Variants in MCTP1 observed in about 807,000 individuals in gnomAD.
MCTP1 encodes the protein multiple C2 and transmembrane domain containing 1, also known as multiple C2 and transmembrane domain-containing protein 1.
Under a neutral mutation model 120.6 loss-of-function variants are expected in MCTP1, and 69 were observed. The observed-to-expected ratio is 0.57, with a 90% CI of 0.47 to 0.70. The LOEUF (loss-of-function observed/expected upper bound fraction) is 0.70, where lower values mean the gene tolerates loss of function less well. Ranked by LOEUF, MCTP1 falls within the 30% of genes least tolerant of loss-of-function variation. The pLI is 0.00. For missense variants in MCTP1, 1,203 were observed against 1,248.8 expected (o/e 0.96, Z 0.55); for synonymous variants, 529 against 493.1 (o/e 1.07, Z -0.96).
chr5:95,168,238 C>T (rs1399699613), intron 1 of MCTP1, among the ~76,000 whole-genome samples: 1 of 152,144 alleles, frequency 6.6e-6, no homozygotes, highest in Admixed American at 6.5e-5. Context: ...GGGCTCTGTT[C>T]TGTTCCATTG....
At chr5:94,849,781 C>A (rs1400105332) in intron 17 of MCTP1, among the ~76,000 whole-genome samples, 3 of 152,056 alleles carry the variant, frequency 2.0e-5, no homozygotes, top group African/African-American at 7.2e-5. Context: ...GTATGGAACA[C>A]AGGCTCTGCA....
chr5:94,947,577 T>TATATATATAGAGAGAGAGAGAG, intron 3 of MCTP1, among the ~76,000 whole-genome samples: 5 of 47,392 alleles, frequency 1.1e-4, no homozygotes, highest in African/African-American at 9.3e-5. Context: ...TATATATATA[T>TATATATATAGAGAGAGAGAGAG]AGAGAGAGAG....
chr5:94,761,919 CT>C (rs1771443877), intron 19 of MCTP1, among the ~76,000 whole-genome samples: 1 of 152,272 alleles, frequency 6.6e-6, no homozygotes, highest in East Asian at 1.9e-4. Flanking sequence ...AGGATTTTCC[CT>C]TTTCAAACCA....
chr5:94,961,300 A>G (rs1410705724), intron 2 of MCTP1, among the ~76,000 whole-genome samples: 1 of 152,126 alleles, frequency 6.6e-6, no homozygotes, highest in Non-Finnish European at 1.5e-5. Flanking sequence ...GAGGGATAGC[A>G]TTAGGAGAAA....
chr5:95,284,607 C>T lies in MCTP1; in HGVS notation c.-32G>A, dbSNP rs1439202358. On this transcript the variant is annotated 5_prime_UTR_variant, in exon 1 of 23. Coordinates refer to ENST00000515393, the MANE Select transcript of MCTP1 (RefSeq NM_024717.7). The surrounding 1 kb of genome is among the most constrained non-coding windows in gnomAD (Gnocchi z 5.2). Reference sequence around the variant, plus strand: ...CCCCCTGCTCCTCCTCTCCCCTCCTCCTCCTCCTCCTCCTCCTGCTTCTCC... The same window carrying T: ...CCCCCTGCTCCTCCTCTCCCCTCCTTCTCCTCCTCCTCCTCCTGCTTCTCC... 6 of 1,349,288 alleles carry T rather than the reference C, an allele frequency of 4.4e-6. No homozygotes were observed. The highest frequency in any genetic ancestry group is 5.7e-6 in the Non-Finnish European group (6 of 1,043,512). The allele number at this position is 1,349,288 out of a possible 1,614,324, so 83.6% of individuals were successfully genotyped here. A position where few individuals can be genotyped will look rare whatever the true frequency, so the allele number is the denominator to read the frequency against.
At chr5:94,995,433 C>T (rs1581747384) in intron 2 of MCTP1, among the ~76,000 whole-genome samples, 1 of 151,988 alleles carries the variant, frequency 6.6e-6, no homozygotes, top group Non-Finnish European at 1.5e-5. Context: ...ATAAGAACAT[C>T]GTGTTAAATG....
At chr5:95,003,140 T>C (rs1477968813) in intron 2 of MCTP1, among the ~76,000 whole-genome samples, 5 of 152,240 alleles carry the variant, frequency 3.3e-5, no homozygotes, top group African/African-American at 1.2e-4. Flanking sequence ...TCCCCAGCCA[T>C]GCAGAACTGT....
chr5:95,225,887 GGAGA>G (rs912236426), intron 1 of MCTP1, among the ~76,000 whole-genome samples: 7 of 152,006 alleles, frequency 4.6e-5, no homozygotes, highest in African/African-American at 1.7e-4. Flanking sequence ...TAAAATGAGG[GGAGA>G]GAGATTCCAG....
intron 1 of MCTP1, among the ~76,000 whole-genome samples, chr5:95,061,724 C>T (rs980893198): frequency 2.0e-5 from 3 of 151,950 alleles, no homozygotes; most frequent in Admixed American, 6.6e-5. Context: ...CGTGAGCCAC[C>T]GCGCCCGGCC....
At chr5:95,028,430 T>A (rs1013647988) in intron 1 of MCTP1, among the ~76,000 whole-genome samples, 1 of 152,086 alleles carries the variant, frequency 6.6e-6, no homozygotes, top group Non-Finnish European at 1.5e-5. Context: ...AATGGGCCAA[T>A]AAATACTCAG....
At chr5:94,852,578 A>G (rs2153225320) in intron 17 of MCTP1, among the ~76,000 whole-genome samples, 1 of 152,124 alleles carries the variant, frequency 6.6e-6, no homozygotes, top group East Asian at 1.9e-4. Context: ...AAAATTATTG[A>G]CTGTGAAAAA....
At chr5:95,119,138 CA>C (rs1195244351) in intron 1 of MCTP1, among the ~76,000 whole-genome samples, 1 of 152,118 alleles carries the variant, frequency 6.6e-6, no homozygotes, top group Admixed American at 6.5e-5. Flanking sequence ...TGTTAGGTCA[CA>C]AAACAAGTCT....
chr5:95,174,481 G>T (rs1025291787), intron 1 of MCTP1, among the ~76,000 whole-genome samples: 26 of 152,192 alleles, frequency 1.7e-4, no homozygotes, highest in South Asian at 2.1e-4. Context: ...AATTCTAAAA[G>T]AAATTATTTC....
chr5:94,824,969 T>C (rs571001689), intron 17 of MCTP1, among the ~76,000 whole-genome samples: 11 of 152,332 alleles, frequency 7.2e-5, no homozygotes, highest in African/African-American at 2.6e-4. Flanking sequence ...TCTATTTTGT[T>C]AATCTTTTCA....
Position 94,954,116 on chromosome 5 carries a change from A to G in MCTP1, c.839-755T>C, listed in dbSNP as rs544216989. 1.4e-3 allele frequency among the ~76,000 whole-genome samples: 135 copies of G among 95,358 alleles called. 8 individuals are homozygous for G. Among genetic ancestry groups the G allele is most frequent in the Non-Finnish European group, 2.0e-3 (97 of 49,036 alleles). 62.6% of individuals were successfully genotyped at this position (95,358 alleles called of 152,430 possible). On this transcript the variant is annotated intron_variant, in intron 2 of 22. Coordinates refer to ENST00000515393, the MANE Select transcript of MCTP1 (RefSeq NM_024717.7). ...TGCATATATATACATATATATGAAT[A>G]TATATACAAATATATATATGCATAT... is the stretch of plus-strand genomic sequence containing the variant.
intron 1 of MCTP1, among the ~76,000 whole-genome samples, chr5:95,022,091 C>T (rs907924422): frequency 6.6e-6 from 1 of 152,096 alleles, no homozygotes; most frequent in Non-Finnish European, 1.5e-5. Context: ...CTCTAATGTA[C>T]AATCATGATT....
chr5:95,054,933 G>T (rs187948210), intron 1 of MCTP1, among the ~76,000 whole-genome samples: 1 of 151,960 alleles, frequency 6.6e-6, no homozygotes, highest in Non-Finnish European at 1.5e-5. Context: ...TCAGCCTCCC[G>T]AGTAGCTGGG....
chr5:95,040,794 C>G (rs1459729312), intron 1 of MCTP1, among the ~76,000 whole-genome samples: 1 of 152,176 alleles, frequency 6.6e-6, no homozygotes, highest in African/African-American at 2.4e-5. Context: ...CTCTTTCAAT[C>G]AGGGTAAATC....
At chr5:95,237,892 T>A (rs1426734836) in intron 1 of MCTP1, among the ~76,000 whole-genome samples, 1 of 152,106 alleles carries the variant, frequency 6.6e-6, no homozygotes, top group African/African-American at 2.4e-5. Context: ...AGAGCCTTGT[T>A]TTTGACTCTG....
Sources: allele counts gnomAD v4.1 joint callset (sites outside exome capture counted in the v4.1 genomes callset), GRCh38; gene constraint gnomAD v4.1.1; non-coding constraint Gnocchi (gnomAD v3.1); transcripts MANE v1.5; gene names NCBI Gene and HGNC (gene_info 2026-07-23, HGNC 2026-07-21).